SEMA3C: variants seen among roughly 807,000 people sequenced by gnomAD.
The protein encoded by SEMA3C is semaphorin-3C.
In SEMA3C, 47 loss-of-function variants were observed where a neutral mutation model predicts 89.4. The observed-to-expected ratio is 0.53, with a 90% CI of 0.42 to 0.67. SEMA3C has a LOEUF of 0.67. SEMA3C is among the 30% of genes least tolerant of loss of function. SEMA3C has a pLI of 0.00. For missense variants in SEMA3C, 839 were observed against 929.1 expected, an observed-to-expected ratio of 0.90 and a Z score of 1.26; for synonymous variants, 310 against 320.2, an observed-to-expected ratio of 0.97 and a Z score of 0.34.
At chr7:80,767,788 AC>A (rs3840548) in intron 12 of SEMA3C, among the ~76,000 whole-genome samples, 14,868 of 152,218 alleles carry the variant, frequency 0.098, 790 homozygotes, top group Non-Finnish European at 0.12. Context: ...AGTGAGTAAT[AC>A]TATAAATTTC....
chr7:80,860,932 T>C (rs1790756765), intron 2 of SEMA3C, among the ~76,000 whole-genome samples: 1 of 152,202 alleles, frequency 6.6e-6, no homozygotes, highest in African/African-American at 2.4e-5. Context: ...CTCATGTTTG[T>C]TTATTGAGTG....
At chr7:80,787,885 T>C (rs573833602) in intron 12 of SEMA3C, among the ~76,000 whole-genome samples, 39 of 152,268 alleles carry the variant, frequency 2.6e-4, no homozygotes, top group Admixed American at 2.6e-4. Flanking sequence ...AAGAGAGGAA[T>C]AGTGAAAACT....
chr7:80,761,552 T>C lies in SEMA3C; in HGVS notation c.1485+64A>G, dbSNP rs531656830. 3.8e-5 allele frequency: 34 copies of C among 892,944 alleles called. No homozygotes were observed. In the East Asian group the frequency reaches 9.3e-4, roughly 25 times the overall value. The allele number at this position is 892,944 out of a possible 1,614,324, so 55.3% of individuals were successfully genotyped here. On this transcript the variant is annotated intron_variant, in intron 14 of 17. Transcript: ENST00000265361. ...AACTAATTATTCAGAAGTTATAAAA[T>C]ATAATTTTTCATAACAACAAAACAT...
chr7:80,834,119 T>C lies in SEMA3C; in HGVS notation c.104-5374A>G, dbSNP rs1333676466. On this transcript the variant is annotated intron_variant, in intron 2 of 17. Coordinates refer to ENST00000265361, the MANE Select transcript of SEMA3C (RefSeq NM_006379.5). ...GAATAAGGGACTCTGGCTGAGAGTA[T>C]GTAGTATTAGAAAATGCAGTGGCTC... is the stretch of plus-strand genomic sequence containing the variant. 2.0e-5 allele frequency among the ~76,000 whole-genome samples: 3 copies of C among 152,086 alleles called. 1 individual carries two copies. Among genetic ancestry groups the C allele is most frequent in the Admixed American group, 1.3e-4 (2 of 15,254 alleles).
intron 10 of SEMA3C, among the ~76,000 whole-genome samples, chr7:80,799,935 A>C (rs535602500): frequency 6.6e-6 from 1 of 151,762 alleles, no homozygotes; most frequent in East Asian, 1.9e-4. Flanking sequence ...GCGGATCACG[A>C]GGTCAGGAGA....
At chr7:80,769,025 A>G (rs1255707297) in intron 12 of SEMA3C, among the ~76,000 whole-genome samples, 9 of 152,178 alleles carry the variant, frequency 5.9e-5, no homozygotes, top group Non-Finnish European at 2.9e-5. Flanking sequence ...TGACAGCATA[A>G]TCTACATTCT....
chr7:80,913,176 G>A (rs1044688329), intron 2 of SEMA3C, among the ~76,000 whole-genome samples: 1 of 152,124 alleles, frequency 6.6e-6, no homozygotes, highest in East Asian at 1.9e-4. Flanking sequence ...TGAGACAGGC[G>A]GATCACCTGA....
At chr7:80,844,287 A>C (rs1016441454) in intron 2 of SEMA3C, among the ~76,000 whole-genome samples, 1 of 152,316 alleles carries the variant, frequency 6.6e-6, no homozygotes, top group African/African-American at 2.4e-5. Flanking sequence ...TTCTCCCAGC[A>C]AAACCTATCT....
chr7:80,894,008 G>A (rs1277021785), intron 2 of SEMA3C, among the ~76,000 whole-genome samples: 1 of 152,044 alleles, frequency 6.6e-6, no homozygotes, highest in Non-Finnish European at 1.5e-5. Flanking sequence ...TTTAACCCTT[G>A]ACACACATGA....
rs75779736 is a variant in SEMA3C at position 80,874,152 on chromosome 7, C to T, written c.103+42527G>A. Reference sequence around the variant, plus strand: ...GCTTTTCACAGTAAGTTATCTCATCCATTAGACTGTAAATTCCTTGAGGGC... The same window carrying T: ...GCTTTTCACAGTAAGTTATCTCATCTATTAGACTGTAAATTCCTTGAGGGC... On this transcript the variant is annotated intron_variant, in intron 2 of 17. Transcript: ENST00000265361. Among the ~76,000 whole-genome samples the T allele has an allele frequency of 8.4e-3, 1,273 of 152,180 alleles. 58 individuals are homozygous for T. The East Asian group carries it at 0.13, about 15-fold the overall frequency.
chr7:80,896,776 CTTCT>C (rs982237113), intron 2 of SEMA3C, among the ~76,000 whole-genome samples: 1 of 152,282 alleles, frequency 6.6e-6, no homozygotes, highest in Admixed American at 6.5e-5. Flanking sequence ...CCTAACTTCT[CTTCT>C]TTCTGAGACA....
At chr7:80,889,945 TTTGC>T (rs1190631117) in intron 2 of SEMA3C, among the ~76,000 whole-genome samples, 1 of 152,166 alleles carries the variant, frequency 6.6e-6, no homozygotes, top group African/African-American at 2.4e-5. Context: ...TTTCTGGGTG[TTTGC>T]TTGTTTGATA....
chr7:80,801,386 T>C (rs1789204295), intron 9 of SEMA3C, among the ~76,000 whole-genome samples: 1 of 152,114 alleles, frequency 6.6e-6, no homozygotes. Flanking sequence ...TAGTGATACT[T>C]TTATTTAATG....
intron 2 of SEMA3C, among the ~76,000 whole-genome samples, chr7:80,892,910 G>A (rs1791649492): frequency 6.6e-6 from 1 of 151,988 alleles, no homozygotes; most frequent in African/African-American, 2.4e-5. Flanking sequence ...TTTATTCTAA[G>A]GGAATACAGG....
At chr7:80,838,800 C>T (rs1237441166) in intron 2 of SEMA3C, among the ~76,000 whole-genome samples, 2 of 152,092 alleles carry the variant, frequency 1.3e-5, no homozygotes, top group African/African-American at 4.8e-5. Context: ...TGAGAACCCC[C>T]TCACTGAGAA....
chr7:80,874,671 T>C (rs1159409566), intron 2 of SEMA3C, among the ~76,000 whole-genome samples: 2 of 151,916 alleles, frequency 1.3e-5, no homozygotes, highest in Non-Finnish European at 2.9e-5. Flanking sequence ...TTTCACCAGG[T>C]TGACCAGGCT....
At chr7:80,820,363 C>G in intron 4 of SEMA3C, among the ~76,000 whole-genome samples, 1 of 151,680 alleles carries the variant, frequency 6.6e-6, no homozygotes, top group Admixed American at 6.6e-5. Context: ...CCTGGCCTCT[C>G]CTATTTTTTT....
chr7:80,842,992 C>A (rs1790304721), intron 2 of SEMA3C, among the ~76,000 whole-genome samples: 1 of 152,158 alleles, frequency 6.6e-6, no homozygotes, highest in Non-Finnish European at 1.5e-5. Context: ...CAAGTTAGTA[C>A]ATTTCCAGTC....
intron 12 of SEMA3C, among the ~76,000 whole-genome samples, chr7:80,775,883 T>A (rs937243710): frequency 6.6e-6 from 1 of 152,088 alleles, no homozygotes; most frequent in Non-Finnish European, 1.5e-5. Context: ...CTTCCTTTTT[T>A]TAAAAAAAAT....
Sources: allele counts gnomAD v4.1 joint callset (sites outside exome capture counted in the v4.1 genomes callset), GRCh38; gene constraint gnomAD v4.1.1; transcripts MANE v1.5; gene names NCBI Gene and HGNC (gene_info 2026-07-23, HGNC 2026-07-21).